Variants in UNC79 observed in about 807,000 individuals in gnomAD.
UNC79 encodes unc-79 subunit of NALCN channel complex, also known as protein unc-79 homolog.
In UNC79, 37 loss-of-function variants were observed where a neutral mutation model predicts 283.1. The observed-to-expected ratio is 0.13, with a 90% confidence interval of 0.10 to 0.17. The LOEUF (loss-of-function observed/expected upper bound fraction) is 0.17, where lower values mean the gene tolerates loss of function less well. Ranked by LOEUF, UNC79 falls within the 10% of genes least tolerant of loss-of-function variation. The pLI is 1.00. For missense variants in UNC79, 2,272 were observed against 3,211.1 expected, an observed-to-expected ratio of 0.71 and a Z score of 7.07; for synonymous variants, 1,107 against 1,200.2, an observed-to-expected ratio of 0.92 and a Z score of 1.61.
chr14:93,402,379 C>A, intron 1 of UNC79, among the ~76,000 whole-genome samples: 1 of 143,384 alleles, frequency 7.0e-6, no homozygotes, highest in Non-Finnish European at 1.5e-5. Context: ...ATGAAACAAA[C>A]TGTCAAAAAC....
intron 20 of UNC79, 37 bp from the exon 21 acceptor site, chr14:93,586,559 G>C: frequency 6.4e-7 from 1 of 1,550,568 alleles, no homozygotes; most frequent in African/African-American, 1.4e-5. Context: ...GGGAGAGGAA[G>C]AGTTAGCCTA....
At chr14:93,504,320 T>G (rs1198119162) in intron 7 of UNC79, among the ~76,000 whole-genome samples, 1 of 151,986 alleles carries the variant, frequency 6.6e-6, no homozygotes, top group Non-Finnish European at 1.5e-5. Flanking sequence ...TCCTAGCTGT[T>G]TGCTAAGTTA....
intron 1 of UNC79, among the ~76,000 whole-genome samples, chr14:93,455,910 G>T (rs1006208443): frequency 7.1e-6 from 1 of 141,716 alleles, no homozygotes; most frequent in Non-Finnish European, 1.5e-5. Context: ...CAGTACAATG[G>T]ATTGTGTGTG....
intron 9 of UNC79, 86 bp from the exon 10 acceptor site, chr14:93,529,200 C>A: frequency 7.2e-7 from 1 of 1,396,504 alleles, no homozygotes; most frequent in Admixed American, 2.1e-5. Context: ...AAAAGCCTTT[C>A]AGCACTAGTG....
chr14:93,686,449 G>T, intron 42 of UNC79, 123 bp from the exon 46 acceptor site: 1 of 969,264 alleles, frequency 1.0e-6, no homozygotes. Context: ...GAGAGTAATG[G>T]AGTGAGTCAG....
intron 1 of UNC79, among the ~76,000 whole-genome samples, chr14:93,382,894 G>C (rs536297078): frequency 1.5e-4 from 23 of 152,230 alleles, no homozygotes; most frequent in African/African-American, 5.1e-4. Flanking sequence ...CAAAAAGTCT[G>C]TCACTAACCT....
intron 41 of UNC79, 36 bp downstream of exon 44, chr14:93,673,491 G>C: frequency 6.3e-7 from 1 of 1,582,154 alleles, no homozygotes; most frequent in Non-Finnish European, 8.6e-7. Context: ...CTTTTCATGA[G>C]ATCCATGTAT....
intron 24 of UNC79, among the ~76,000 whole-genome samples, chr14:93,599,246 A>G (rs2065313041): frequency 6.6e-6 from 1 of 152,146 alleles, no homozygotes; most frequent in Admixed American, 6.5e-5. Context: ...CATTTTATGG[A>G]TAGAGATGCT....
intron 1 of UNC79, among the ~76,000 whole-genome samples, chr14:93,339,009 A>G (rs1486413140): frequency 2.0e-5 from 3 of 152,250 alleles, no homozygotes; most frequent in African/African-American, 7.2e-5. Flanking sequence ...AGAGGTTCAG[A>G]GTGACTCTAG....
At chr14:93,514,301 C>T (rs2059959916) in intron 7 of UNC79, among the ~76,000 whole-genome samples, 1 of 152,174 alleles carries the variant, frequency 6.6e-6, no homozygotes, top group Admixed American at 6.5e-5. Flanking sequence ...TGAAGGATTA[C>T]TATGAACAAC....
intron 17 of UNC79, among the ~76,000 whole-genome samples, chr14:93,575,718 C>G (rs923379612): frequency 6.6e-6 from 1 of 152,196 alleles, no homozygotes; most frequent in African/African-American, 2.4e-5. Flanking sequence ...AAAGTGTATA[C>G]AAACTGCTGG....
At chr14:93,467,894 T>C in intron 2 of UNC79, 103 bp downstream of exon 2, 1 of 1,295,826 alleles carries the variant, frequency 7.7e-7, no homozygotes, top group Non-Finnish European at 1.0e-6. Context: ...AAAGGGCCTA[T>C]GTTTTCTAGT....
At chr14:93,409,546 T>C (rs543313132) in intron 1 of UNC79, among the ~76,000 whole-genome samples, 1 of 152,100 alleles carries the variant, frequency 6.6e-6, no homozygotes, top group African/African-American at 2.4e-5. Flanking sequence ...AAAAATAAAT[T>C]AGCCAGGTCT....
In UNC79 at chr14:93,474,563, T is replaced by C. The variant is rs1202092206; in HGVS notation, c.448+170T>C. 6.6e-6 allele frequency among the ~76,000 whole-genome samples: 1 copy of C among 152,184 alleles called. No homozygotes were observed. Among genetic ancestry groups the C allele is most frequent in the Non-Finnish European group, 1.5e-5 (1 of 68,024 alleles). Reference sequence around the variant, plus strand: ...CATTATGGTGCTTCCCATACTATTATTTTACACTGTTTTATTGCCAGAGGG... The same window carrying C: ...CATTATGGTGCTTCCCATACTATTACTTTACACTGTTTTATTGCCAGAGGG... On this transcript the variant is annotated intron_variant, in intron 3 of 48. Coordinates refer to ENST00000555664, the Ensembl canonical transcript of UNC79. This position sits in a 1 kb window ranked among gnomAD's most constrained non-coding sequence, Gnocchi z 4.1.
exon 12 of UNC79, chr14:93,538,039 G>T: frequency 6.2e-7 from 1 of 1,614,128 alleles, no homozygotes; most frequent in Non-Finnish European, 8.5e-7. Flanking sequence ...TCTCAGCAGG[G>T]TGCTGTGGTC....
At chr14:93,436,941 T>A (rs145444601) in intron 1 of UNC79, among the ~76,000 whole-genome samples, 3 of 152,238 alleles carry the variant, frequency 2.0e-5, no homozygotes, top group East Asian at 3.9e-4. Flanking sequence ...TGATATTTGA[T>A]GTGGGATTAA....
At chr14:93,346,182 A>C (rs1460090433) in intron 1 of UNC79, among the ~76,000 whole-genome samples, 1 of 152,126 alleles carries the variant, frequency 6.6e-6, no homozygotes, top group Non-Finnish European at 1.5e-5. Flanking sequence ...AACGAAAAGA[A>C]ATCTAAGAAA....
intron 38 of UNC79, among the ~76,000 whole-genome samples, chr14:93,657,245 C>T (rs1277241459): frequency 6.6e-6 from 1 of 152,086 alleles, no homozygotes; most frequent in East Asian, 1.9e-4. Flanking sequence ...AAACTGAGTG[C>T]ACAAATTTTA....
At chr14:93,398,230 G>A (rs960219295) in intron 1 of UNC79, among the ~76,000 whole-genome samples, 41 of 152,284 alleles carry the variant, frequency 2.7e-4, no homozygotes, top group African/African-American at 9.6e-4. Flanking sequence ...CTTGTGATTT[G>A]GTAATACCTA....
Sources: allele counts gnomAD v4.1 joint callset (sites outside exome capture counted in the v4.1 genomes callset), GRCh38; gene constraint gnomAD v4.1.1; non-coding constraint Gnocchi (gnomAD v3.1); transcripts MANE v1.5; gene names NCBI Gene and HGNC (gene_info 2026-07-23, HGNC 2026-07-21).